CHRM3: variants seen among roughly 807,000 people sequenced by gnomAD.
The protein encoded by CHRM3 is cholinergic receptor muscarinic 3, also known as muscarinic acetylcholine receptor M3.
CHRM3 carries 11 observed loss-of-function variants against 41.8 expected under a neutral mutation model. The observed-to-expected ratio is 0.26, with a 90% CI of 0.17 to 0.44. CHRM3 has a LOEUF of 0.44. Ranked by LOEUF, CHRM3 falls within the 20% of genes least tolerant of loss-of-function variation. CHRM3 has a pLI of 1.00. For synonymous variants in CHRM3, 297 were observed against 301.4 expected (o/e 0.99, Z 0.15); for missense variants, 571 against 745.4 (o/e 0.77, Z 2.72).
intron 5 of CHRM3, among the ~76,000 whole-genome samples, chr1:239,735,310 T>A (rs1269096111): frequency 3.3e-5 from 5 of 152,162 alleles, no homozygotes; most frequent in Non-Finnish European, 1.5e-5. Context: ...GCACATTGCC[T>A]GTGTCCATTT....
intron 5 of CHRM3, among the ~76,000 whole-genome samples, chr1:239,741,074 G>C (rs1664807430): frequency 6.6e-6 from 1 of 152,056 alleles, no homozygotes; most frequent in South Asian, 2.1e-4. Context: ...CTTTCCCATT[G>C]TTAGGTTCAT....
intron 5 of CHRM3, among the ~76,000 whole-genome samples, chr1:239,747,093 G>A (rs1409863729): frequency 6.6e-6 from 1 of 151,940 alleles, no homozygotes; most frequent in Admixed American, 6.6e-5. Flanking sequence ...GATATTTGTC[G>A]AAGTTTGATG....
chr1:239,448,269 T>G (rs1664296719), intron 1 of CHRM3, among the ~76,000 whole-genome samples: 1 of 152,212 alleles, frequency 6.6e-6, no homozygotes. Context: ...TCTTCCTCCA[T>G]CAGGATATCC....
At chr1:239,404,420 A>AAGAAAG (rs1558195858) in intron 1 of CHRM3, among the ~76,000 whole-genome samples, 4 of 93,744 alleles carry the variant, frequency 4.3e-5, no homozygotes, top group African/African-American at 1.8e-4. Context: ...AAAAGAAAGA[A>AAGAAAG]AGAAAGAAAG....
chr1:239,557,219 C>A (rs193015283), intron 3 of CHRM3, among the ~76,000 whole-genome samples: 1 of 152,288 alleles, frequency 6.6e-6, no homozygotes, highest in Admixed American at 6.5e-5. Flanking sequence ...TAAAACTAAT[C>A]TTTACATCTG....
intron 6 of CHRM3, among the ~76,000 whole-genome samples, chr1:239,866,863 A>G (rs1434628904): frequency 1.3e-5 from 2 of 152,210 alleles, no homozygotes; most frequent in Non-Finnish European, 2.9e-5. Flanking sequence ...GGGATGTTGC[A>G]TACTCATGCC....
intron 5 of CHRM3, among the ~76,000 whole-genome samples, chr1:239,741,595 A>G (rs890714851): frequency 6.6e-6 from 1 of 152,284 alleles, no homozygotes; most frequent in Admixed American, 6.5e-5. Context: ...TATACTTTTC[A>G]TAAGGCATGT....
At chr1:239,774,633 T>C (rs747773164) in intron 5 of CHRM3, among the ~76,000 whole-genome samples, 1 of 152,204 alleles carries the variant, frequency 6.6e-6, no homozygotes, top group Non-Finnish European at 1.5e-5. Context: ...GCATCATGTT[T>C]CAGAATAATG....
chr1:239,839,804 G>C (rs56966202), intron 6 of CHRM3, among the ~76,000 whole-genome samples: 8,829 of 151,388 alleles, frequency 0.058, 645 homozygotes, highest in African/African-American at 0.16. Flanking sequence ...GCGGGGCGGG[G>C]GGGGAGCGGG....
intron 2 of CHRM3, among the ~76,000 whole-genome samples, chr1:239,518,917 T>G (rs1190757395): frequency 6.6e-6 from 1 of 152,248 alleles, no homozygotes; most frequent in East Asian, 1.9e-4. Context: ...CGAAAAGTTT[T>G]ATACATATAT....
chr1:239,703,672 T>G (rs1660887295), intron 5 of CHRM3: 1 of 152,224 alleles, frequency 6.6e-6, no homozygotes, highest in East Asian at 1.9e-4. Context: ...TTGCTGAATC[T>G]ACTTGAAGTT....
intron 1 of CHRM3, among the ~76,000 whole-genome samples, chr1:239,488,052 T>C (rs1215392296): frequency 6.6e-6 from 1 of 152,168 alleles, no homozygotes; most frequent in Admixed American, 6.5e-5. Flanking sequence ...TTTGCAAAGA[T>C]AAACAAGTTT....
intron 5 of CHRM3, among the ~76,000 whole-genome samples, chr1:239,689,361 T>C (rs780243156): frequency 1.3e-5 from 2 of 152,114 alleles, no homozygotes; most frequent in Non-Finnish European, 2.9e-5. Flanking sequence ...AGTACTTCCT[T>C]TGTGCACGCA....
intron 5 of CHRM3, among the ~76,000 whole-genome samples, chr1:239,713,572 A>T (rs1662029525): frequency 6.6e-6 from 1 of 152,188 alleles, no homozygotes; most frequent in South Asian, 2.1e-4. Flanking sequence ...CAATTTGCAC[A>T]AACACCAACA....
At position 239,487,887 on chromosome 1, in the gene CHRM3, A is replaced by AAAAAGAAAAAT. The variant is rs560889961; in HGVS notation, c.-520-4820_-520-4810dup. On this transcript the variant is annotated intron_variant, in intron 1 of 6. Coordinates refer to ENST00000676153, the MANE Select transcript of CHRM3 (RefSeq NM_001375978.1). The stretch of plus-strand genomic sequence containing the variant: ...AAAAAAAACAAAACACAAAGACAAA[A>AAAAAGAAAAAT]AAAAGAAAAATATCCTTAAAAGAAA... Among the ~76,000 whole-genome samples the AAAAAGAAAAAT allele has an allele frequency of 5.2e-3, 784 of 152,054 alleles. 4 individuals carry two copies. Among genetic ancestry groups the AAAAAGAAAAAT allele is most frequent in the Middle Eastern group, 0.01 (3 of 292 alleles).
At chr1:239,856,534 G>A (rs940346191) in intron 6 of CHRM3, among the ~76,000 whole-genome samples, 20 of 151,940 alleles carry the variant, frequency 1.3e-4, no homozygotes, top group South Asian at 4.2e-4. Flanking sequence ...CATGCTTCCC[G>A]TGCAGCCTGC....
intron 5 of CHRM3, among the ~76,000 whole-genome samples, chr1:239,824,712 A>C (rs1220514205): frequency 6.6e-6 from 1 of 152,244 alleles, no homozygotes; most frequent in African/African-American, 2.4e-5. Flanking sequence ...GTGGAAAACA[A>C]TTAACATCTA....
chr1:239,881,065 C>T (rs537613632), intron 6 of CHRM3, among the ~76,000 whole-genome samples: 2 of 152,022 alleles, frequency 1.3e-5, no homozygotes, highest in South Asian at 4.2e-4. Flanking sequence ...GGGCGGATCA[C>T]GAGGTCAGGA....
chr1:239,547,026 A>G (rs1659363759), intron 3 of CHRM3, among the ~76,000 whole-genome samples: 1 of 152,236 alleles, frequency 6.6e-6, no homozygotes. Context: ...ACTAAATTTA[A>G]ACAAGTTATA....
Sources: allele counts gnomAD v4.1 joint callset (sites outside exome capture counted in the v4.1 genomes callset), GRCh38; gene constraint gnomAD v4.1.1; transcripts MANE v1.5; gene names NCBI Gene and HGNC (gene_info 2026-07-23, HGNC 2026-07-21).